CLCN2: variants seen among roughly 807,000 people sequenced by gnomAD.
The protein encoded by CLCN2 is chloride channel protein 2.
A neutral mutation model predicts 108.3 loss-of-function variants in CLCN2; 72 were observed. The ratio of observed to expected loss-of-function variants is 0.66; its 90% CI spans 0.55 to 0.81. The LOEUF (loss-of-function observed/expected upper bound fraction) is 0.81, where lower values mean the gene tolerates loss of function less well. Among genes scored for constraint, CLCN2 ranks in the 30% least tolerant of loss-of-function variants. The pLI, the probability that CLCN2 is intolerant of heterozygous loss-of-function variation, is 0.00. For missense variants in CLCN2, 1,048 were observed against 1,205.2 expected, an observed-to-expected ratio of 0.87 and a Z score of 1.93; for synonymous variants, 471 against 467.1, an observed-to-expected ratio of 1.01 and a Z score of -0.11.
rs1446795499 is a variant in CLCN2, at chr3:184,359,120, C to T, written c.75G>A (p.Arg25=). 10 of 1,613,624 alleles carry T rather than the reference C, an allele frequency of 6.2e-6. No homozygotes were observed. Among genetic ancestry groups the T allele is most frequent in the African/African-American group, 1.3e-5 (1 of 74,930 alleles). ...LQYEQTLMYG[R]YTQDLGAFAK... is the part of the protein sequence containing the mutation. ...CAAAGGCCCCAAGGTCCTGAGTGTA[C>T]CGGCCATACATCTGGAGCAACAGAG... Residue 25 remains arginine (R), a synonymous_variant, in exon 2 of 24, where the codon CGG becomes CGA. Transcript: ENST00000265593.
In CLCN2 at chr3:184,361,377, C is replaced by G. The variant is rs1338442270; in HGVS notation, c.63+40G>C. On this transcript the variant is annotated intron_variant, in intron 1 of 23. Coordinates refer to ENST00000265593, the MANE Select transcript of CLCN2 (RefSeq NM_004366.6). This position sits in a 1 kb window ranked among gnomAD's most constrained non-coding sequence, Gnocchi z 6.6. The stretch of plus-strand genomic sequence containing the variant: ...TCCCAGGGTAACCTGGAGCAGGGGT[C>G]CCGGAGCGCACTCCTGGGGCTCAGC... 6.2e-7 allele frequency: 1 copy of G among 1,605,126 alleles called. No individual in the cohort carries two copies. The highest frequency in any genetic ancestry group is 1.7e-5 in the Admixed American group (1 of 60,002).
Position 184,355,441 on chromosome 3 carries a change from G to T in CLCN2, c.1259C>A (p.Thr420Asn). The T allele has an allele frequency of 6.2e-7, 1 of 1,614,086 alleles. No homozygotes were observed. Among genetic ancestry groups the T allele is most frequent in the Non-Finnish European group, 8.5e-7 (1 of 1,180,026 alleles). Residue 420 changes from threonine (T) to asparagine (N), a missense_variant, in exon 12 of 24, where the codon ACC becomes AAC. Transcript: ENST00000265593. This position sits in a 1 kb window ranked among gnomAD's most constrained non-coding sequence, Gnocchi z 6.3. ...ACGTGGTGGGTTCCAGGCCTGTGAG[G>T]TGCTGGGTGGTTCTAGCTCCTCCAC... is the stretch of plus-strand genomic sequence containing the variant. ...GLVEELEPPSTSQAWNPPRAN... is the reference protein window; with the variant it reads ...GLVEELEPPSNSQAWNPPRAN...
rs768344136 is a variant in CLCN2 at position 184,357,505 on chromosome 3, A to G, written c.773-18T>C. ...GAGGACGCCTGTGAGGGGGAGGGAG[A>G]CCAGCACTTGAGGCCTGGGCCTGGC... On this transcript the variant is annotated intron_variant, in intron 7 of 23. Transcript: ENST00000265593. The G allele has an allele frequency of 6.8e-6, 11 of 1,614,110 alleles. No homozygotes were observed. The highest frequency in any genetic ancestry group is 9.3e-6 in the Non-Finnish European group (11 of 1,180,026).
intron 22 of CLCN2, chr3:184,347,288 C>A (rs1673753094): frequency 1.9e-6 from 1 of 515,158 alleles, no homozygotes; most frequent in Non-Finnish European, 3.5e-6. Flanking sequence ...AATTCTTAGT[C>A]CCATGTTAGA....
Position 184,353,771 on chromosome 3 carries a change from G to A in CLCN2, c.1746C>T (p.Asp582=). The change falls in exon 16 of 24, where the codon GAC becomes GAT. Residue 582 remains aspartate (D), a synonymous_variant. Transcript: ENST00000265593. Reference sequence around the variant, plus strand: ...CATGGGGAACATCCCGCACCATGATGTCCTCCACACGCACCCGGTACTGCC... The same window carrying A: ...CATGGGGAACATCCCGCACCATGATATCCTCCACACGCACCCGGTACTGCC... ...RHQQYRVRVE[D]IMVRDVPHVA... 6 of 1,607,002 alleles carry A rather than the reference G, an allele frequency of 3.7e-6. No individual in the cohort carries two copies. The highest frequency in any genetic ancestry group is 5.1e-6 in the Non-Finnish European group (6 of 1,177,308).
At position 184,355,791 on chromosome 3, in the gene CLCN2, G is replaced by A. The variant is rs1273924112; in HGVS notation, c.1086-13C>T. 3.1e-6 allele frequency: 5 copies of A among 1,613,262 alleles called. No homozygotes were observed. Among genetic ancestry groups the A allele is most frequent in the Non-Finnish European group, 4.2e-6 (5 of 1,179,520 alleles). On this transcript the variant is annotated splice_polypyrimidine_tract_variant and intron_variant, in intron 10 of 23. Transcript: ENST00000265593. The surrounding 1 kb of genome is among the most constrained non-coding windows in gnomAD (Gnocchi z 6.3). ...GAAGAGCAGGCGTCTAGAGTCGTAG[G>A]TTTCACATCAGTCGTGGGTGGCCAA...
At position 184,358,564 on chromosome 3, in the gene CLCN2, G is replaced by A. The variant is rs111722429; in HGVS notation, c.352+118C>T. The A allele has an allele frequency of 4.3e-3, 5,970 of 1,386,128 alleles. 23 individuals carry two copies. Among genetic ancestry groups the A allele is most frequent in the Non-Finnish European group, 4.5e-3 (4,547 of 999,458 alleles). The allele number at this position is 1,386,128 out of a possible 1,614,324, so 85.9% of individuals were successfully genotyped here. On this transcript the variant is annotated intron_variant, in intron 3 of 23. Transcript: ENST00000265593. The stretch of plus-strand genomic sequence containing the variant: ...TGCCTGAATCTGGGCAGTCAGACTG[G>A]CTGGGGAAAGTGGTCAGTGGCCAAG...
chr3:184,353,035 G>A lies in CLCN2; in HGVS notation c.2141C>T (p.Thr714Ile), dbSNP rs367620166. 5.6e-6 allele frequency: 9 copies of A among 1,613,396 alleles called. No individual in the cohort carries two copies. The highest frequency in any genetic ancestry group is 1.1e-5 in the South Asian group (1 of 91,084). Residue 714 changes from threonine to isoleucine, a missense_variant and splice_region_variant, in exon 18 of 24, where the codon ACA becomes ATA. Coordinates refer to ENST00000265593, the MANE Select transcript of CLCN2 (RefSeq NM_004366.6). ...SVTRNLGESP[T>I]GSAESAGIAL... is the part of the protein sequence containing the mutation. ...GGACACAGGAGACATGGGCTTACCT[G>A]TGGGACTCTCTCCGAGGTTCCTGGT...
chr3:184,352,955 C>G, intron 18 of CLCN2, 78 bp downstream of exon 18: 1 of 1,542,212 alleles, frequency 6.5e-7, no homozygotes, highest in East Asian at 2.2e-5. Context: ...TGTACCCCAG[C>G]AACAGGGCTG....
chr3:184,352,448 G>A lies in CLCN2; in HGVS notation c.2266C>T (p.Leu756=). 6.2e-7 allele frequency: 1 copy of A among 1,613,372 alleles called. No homozygotes were observed. The highest frequency in any genetic ancestry group is 1.1e-5 in the South Asian group (1 of 91,012). Residue 756 remains leucine (L), a synonymous_variant, in exon 20 of 24, where the codon CTG becomes TTG. Coordinates refer to ENST00000265593, the MANE Select transcript of CLCN2 (RefSeq NM_004366.6). ...KRKLKRVRIS[L]ASDADLEGEM... ...AGAAGAGCAGGCATACTTACTGCCA[G>A]GGAGATTCGGACACGCTTCAGCTTG...
intron 22 of CLCN2, chr3:184,349,099 C>T (rs1415870464): frequency 6.6e-6 from 1 of 152,248 alleles, no homozygotes; most frequent in African/African-American, 2.4e-5. Flanking sequence ...CCTGCAGCTT[C>T]ACATAATCAC....
In CLCN2 at chr3:184,357,287, G is replaced by A. The variant is rs200927203; in HGVS notation, c.899-21C>T. 1,471 of 1,614,036 alleles carry A rather than the reference G, an allele frequency of 9.1e-4. 1 individual carries two copies. The highest frequency in any genetic ancestry group is 2.2e-3 in the South Asian group (200 of 91,082). ...AGTCTCTAAAGGGAAGAACAGCAGA[G>A]GGAGGCAGGCCTAGCCTCGTGGGCC... On this transcript the variant is annotated intron_variant, in intron 8 of 23. Transcript: ENST00000265593.
chr3:184,353,327 C>T lies in CLCN2; in HGVS notation c.1951G>A (p.Glu651Lys), dbSNP rs1270693789. 1.2e-5 allele frequency: 19 copies of T among 1,613,326 alleles called. No individual in the cohort carries two copies. The highest frequency in any genetic ancestry group is 1.6e-4 in the Middle Eastern group (1 of 6,084). Residue 651 changes from glutamate to lysine, a missense_variant, in exon 17 of 24, where the codon GAG (glutamate) becomes AAG (lysine). Glu to Lys is a moderately conservative substitution (Grantham distance 56). Transcript: ENST00000265593. ...GGAGAGGTCTGGGTGGCTCTGCGCTCCTGCATGTGCTGCCGCCGGCGGGCT... is the reference window on the plus strand; with the variant it reads ...GGAGAGGTCTGGGTGGCTCTGCGCTTCTGCATGTGCTGCCGCCGGCGGGCT... ...SPARRRQHMQ[E>K]RRATQTSPLS...
rs1712080629 is a variant in CLCN2, at chr3:184,361,365, T to A, written c.63+52A>T. 3.2e-6 allele frequency: 5 copies of A among 1,585,176 alleles called. No individual in the cohort carries two copies. The East Asian group carries it at 1.1e-4, about 35-fold the overall frequency. ...GGTCCTCGCGCTTCCCAGGGTAACC[T>A]GGAGCAGGGGTCCCGGAGCGCACTC... On this transcript the variant is annotated intron_variant, in intron 1 of 23. Coordinates refer to ENST00000265593, the MANE Select transcript of CLCN2 (RefSeq NM_004366.6). The surrounding 1 kb of genome is among the most constrained non-coding windows in gnomAD (Gnocchi z 6.6).
intron 1 of CLCN2, among the ~76,000 whole-genome samples, chr3:184,360,782 G>T (rs1711963651): frequency 6.6e-6 from 1 of 152,172 alleles, no homozygotes; most frequent in Admixed American, 6.5e-5. Flanking sequence ...CCTGGGGTGG[G>T]TGGGGGCTGG....
At position 184,357,763 on chromosome 3, in the gene CLCN2, C is replaced by T. The variant is rs1320313063; in HGVS notation, c.693+16G>A. 1.2e-6 allele frequency: 2 copies of T among 1,613,796 alleles called. No homozygotes were observed. The highest frequency in any genetic ancestry group is 1.3e-5 in the African/African-American group (1 of 74,922). On this transcript the variant is annotated intron_variant, in intron 6 of 23. Transcript: ENST00000265593. The stretch of plus-strand genomic sequence containing the variant: ...CAGCAGCCTCTGCCCCCTACTTGCC[C>T]CAGGGTTCCCCTTACCTCATAGATA...
In CLCN2 at chr3:184,358,208, G is replaced by A. The variant is rs755288143; in HGVS notation, c.455C>T (p.Thr152Ile). 7 of 1,614,190 alleles carry A rather than the reference G, an allele frequency of 4.3e-6. No individual in the cohort carries two copies. In the South Asian group the frequency reaches 7.7e-5, roughly 18 times the overall value. ...VVLITFSAGF[T>I]QILAPQAVGS... ...GACAGCCTGAGGGGCCAGGATCTGT[G>A]TGAATCCGGCTGAGAAAGTGATGAG... Residue 152 changes from threonine (T) to isoleucine (I), a missense_variant, in exon 4 of 24, where the codon ACA becomes ATA. Physicochemically the swap from Thr to Ile is moderately conservative, Grantham distance 89. Coordinates refer to ENST00000265593, the MANE Select transcript of CLCN2 (RefSeq NM_004366.6).
chr3:184,353,660 A>G lies in CLCN2; in HGVS notation c.1855+2T>C. ...AGCACCTGGGACCCCTCCTGGCCTC[A>G]CCAGGGGACTCCACTAGGGCCAGCA... On this transcript the variant is annotated splice_donor_variant, in intron 16 of 23. Transcript: ENST00000265593. LOFTEE classifies it high-confidence loss of function. 1 of 1,612,264 alleles carries G rather than the reference A, an allele frequency of 6.2e-7. No individual in the cohort carries two copies. The highest frequency in any genetic ancestry group is 8.5e-7 in the Non-Finnish European group (1 of 1,179,868).
chr3:184,360,640 C>T (rs1711935119), intron 1 of CLCN2, among the ~76,000 whole-genome samples: 1 of 152,188 alleles, frequency 6.6e-6, no homozygotes, highest in Non-Finnish European at 1.5e-5. Context: ...CCTTCCTTTC[C>T]CTAGGGCTTG....
Sources: allele counts gnomAD v4.1 joint callset (sites outside exome capture counted in the v4.1 genomes callset), GRCh38; gene constraint gnomAD v4.1.1; non-coding constraint Gnocchi (gnomAD v3.1); transcripts MANE v1.5; gene names NCBI Gene and HGNC (gene_info 2026-07-23, HGNC 2026-07-21).